The following ZFAT variants were observed in gnomAD, a reference collection of about 807,000 sequenced individuals.
ZFAT encodes the protein zinc finger protein ZFAT.
A neutral mutation model predicts 117.7 loss-of-function variants in ZFAT; 64 were observed. The ratio of observed to expected loss-of-function variants is 0.54; its 90% CI spans 0.44 to 0.67. The LOEUF is 0.67. Ranked by LOEUF, ZFAT falls within the 30% of genes least tolerant of loss-of-function variation. ZFAT has a pLI of 0.00. For missense variants in ZFAT, 1,433 were observed against 1,584.5 expected (o/e 0.90, Z 1.62); for synonymous variants, 679 against 615.0 (o/e 1.10, Z -1.54).
chr8:134,500,518 G>A (rs1288211128), intron 15 of ZFAT, among the ~76,000 whole-genome samples: 3 of 152,086 alleles, frequency 2.0e-5, no homozygotes, highest in African/African-American at 7.2e-5. Context: ...TATATCATGG[G>A]GCCTATTTTT....
At chr8:134,728,156 A>G in the ZFAT span, among the ~76,000 whole-genome samples, 2 of 151,580 alleles carry the variant, frequency 1.3e-5, no homozygotes, top group Non-Finnish European at 1.5e-5. Context: ...ACTTTATGGA[A>G]TATTTTTCCT....
At chr8:134,628,351 G>A (rs569672015) in intron 3 of ZFAT, among the ~76,000 whole-genome samples, 8 of 152,208 alleles carry the variant, frequency 5.3e-5, no homozygotes, top group Non-Finnish European at 1.0e-4. Flanking sequence ...GGTGGGCAAA[G>A]TGGGAGAGGG....
At chr8:134,831,855 C>A in the ZFAT span, among the ~76,000 whole-genome samples, 1 of 152,024 alleles carries the variant, frequency 6.6e-6, no homozygotes, top group Non-Finnish European at 1.5e-5. Flanking sequence ...ACACAAGTGA[C>A]CCCACGACGC....
intron 3 of ZFAT, among the ~76,000 whole-genome samples, chr8:134,612,775 C>T (rs1828436795): frequency 6.6e-6 from 1 of 152,156 alleles, no homozygotes; most frequent in Non-Finnish European, 1.5e-5. Context: ...CATCACTCTC[C>T]AAGGCTAAAC....
intron 1 of ZFAT, among the ~76,000 whole-genome samples, chr8:134,668,081 G>C (rs1832332850): frequency 6.6e-6 from 1 of 152,194 alleles, no homozygotes; most frequent in Non-Finnish European, 1.5e-5. Context: ...CCATTGCTGA[G>C]GCTTGAGTAG....
chr8:134,774,059 G>A, the ZFAT span, among the ~76,000 whole-genome samples: 2 of 127,788 alleles, frequency 1.6e-5, no homozygotes, highest in African/African-American at 3.0e-5. Context: ...GCAGCGGCAC[G>A]ATCTCAGCTC....
chr8:134,825,307 A>C, the ZFAT span, among the ~76,000 whole-genome samples: 1 of 152,244 alleles, frequency 6.6e-6, no homozygotes, highest in Non-Finnish European at 1.5e-5. Context: ...AATTACACTT[A>C]CTTTATACAA....
chr8:134,752,512 T>C, the ZFAT span, among the ~76,000 whole-genome samples: 2 of 152,350 alleles, frequency 1.3e-5, no homozygotes, highest in African/African-American at 4.8e-5. Flanking sequence ...TTCTAAATGA[T>C]CTATTTAGAT....
At chr8:134,785,794 CA>C in the ZFAT span, 3 of 151,296 alleles carry the variant, frequency 2.0e-5, no homozygotes, top group African/African-American at 7.3e-5. Flanking sequence ...AAAAAAATCT[CA>C]GCTTTGTCTT....
intron 15 of ZFAT, 83 bp downstream of exon 15, chr8:134,509,535 TA>T (rs925416227): frequency 6.3e-7 from 1 of 1,586,096 alleles, no homozygotes. Context: ...TCAGGTAAGT[TA>T]AAGACTTAGA....
intron 1 of ZFAT, among the ~76,000 whole-genome samples, chr8:134,685,846 C>A (rs1446138192): frequency 2.0e-5 from 3 of 152,240 alleles, no homozygotes; most frequent in Non-Finnish European, 4.4e-5. Context: ...TTGCCTAACT[C>A]TTGGCTGGTG....
chr8:134,712,683 C>A (rs1340855407), intron 1 of ZFAT, among the ~76,000 whole-genome samples, 162 bp downstream of exon 1: 1 of 145,778 alleles, frequency 6.9e-6, no homozygotes, highest in Non-Finnish European at 1.5e-5. Context: ...CAGAACGCAA[C>A]TACGTTCGCT....
intron 15 of ZFAT, among the ~76,000 whole-genome samples, chr8:134,501,696 G>A (rs1586595131): frequency 6.6e-6 from 1 of 152,204 alleles, no homozygotes; most frequent in Admixed American, 6.5e-5. Context: ...AAAGAAAAGA[G>A]AAAAGCCAGC....
intron 8 of ZFAT, among the ~76,000 whole-genome samples, chr8:134,589,721 G>A (rs140972761): frequency 1.3e-5 from 2 of 152,234 alleles, no homozygotes; most frequent in Non-Finnish European, 2.9e-5. Flanking sequence ...GCAGGGCTCT[G>A]AGGAAGAATG....
chr8:134,736,783 G>A, the ZFAT span, among the ~76,000 whole-genome samples: 45 of 152,108 alleles, frequency 3.0e-4, no homozygotes, highest in African/African-American at 1.0e-3. Flanking sequence ...ACAAAGTCTC[G>A]CTATGTTTCC....
chr8:134,819,221 T>G, the ZFAT span, among the ~76,000 whole-genome samples: 1 of 151,196 alleles, frequency 6.6e-6, no homozygotes, highest in Non-Finnish European at 1.5e-5. Flanking sequence ...GTTTTACTCC[T>G]GCCTTGAATC....
At chr8:134,516,745 C>T (rs926308136) in intron 13 of ZFAT, among the ~76,000 whole-genome samples, 2 of 152,026 alleles carry the variant, frequency 1.3e-5, no homozygotes, top group African/African-American at 2.4e-5. Flanking sequence ...ATAGGACTAT[C>T]TACTGTCTCC....
intron 1 of ZFAT, among the ~76,000 whole-genome samples, chr8:134,699,287 C>T (rs1833951483): frequency 6.6e-6 from 1 of 152,076 alleles, no homozygotes; most frequent in Non-Finnish European, 1.5e-5. Flanking sequence ...AACAATAAGG[C>T]TCAAAGAGGG....
At chr8:134,733,031 G>A in the ZFAT span, among the ~76,000 whole-genome samples, 1 of 152,152 alleles carries the variant, frequency 6.6e-6, no homozygotes, top group Non-Finnish European at 1.5e-5. Context: ...CTAATATAAG[G>A]TGTTCATTAG....
Sources: gnomAD v4.1 joint callset for allele counts (sites outside exome capture counted in the v4.1 genomes callset) on GRCh38, gnomAD v4.1.1 for gene constraint, MANE v1.5 for transcripts, NCBI Gene and HGNC (gene_info 2026-07-23, HGNC 2026-07-21) for gene names.